Variants in FGGY observed in about 807,000 individuals in gnomAD.
The protein encoded by FGGY is FGGY carbohydrate kinase domain containing.
In FGGY, 72 loss-of-function variants were observed where a neutral mutation model predicts 71.3. That is an observed-to-expected ratio of 1.01 (90% confidence interval 0.84 to 1.23). The LOEUF is 1.23. FGGY is among the 50% of genes most tolerant of loss of function. The pLI is 0.00. For synonymous variants in FGGY, 251 were observed against 250.3 expected (o/e 1.00, Z -0.02); for missense variants, 668 against 682.3 (o/e 0.98, Z 0.23).
chr1:59,357,407 T>C (rs1474580313), intron 4 of FGGY, among the ~76,000 whole-genome samples: 1 of 152,188 alleles, frequency 6.6e-6, no homozygotes, highest in Non-Finnish European at 1.5e-5. Context: ...CTTTATATGA[T>C]CTATGACATG....
intron 14 of FGGY, among the ~76,000 whole-genome samples, chr1:59,705,212 T>A (rs1215542974): frequency 6.6e-6 from 1 of 152,234 alleles, no homozygotes; most frequent in Non-Finnish European, 1.5e-5. Context: ...TCCCTTCTTA[T>A]CTACCTTTGC....
chr1:59,735,104 G>A (rs148154210), intron 14 of FGGY, among the ~76,000 whole-genome samples: 5 of 152,202 alleles, frequency 3.3e-5, no homozygotes, highest in African/African-American at 1.2e-4. Flanking sequence ...GGTGGGGCAG[G>A]GGTAGAGAGA....
intron 6 of FGGY, among the ~76,000 whole-genome samples, chr1:59,489,221 T>C (rs2093750427): frequency 6.6e-6 from 1 of 152,140 alleles, no homozygotes; most frequent in South Asian, 2.1e-4. Context: ...GTCATTTCTT[T>C]GTGCTAGAAA....
chr1:59,335,445 TTGG>T (rs1450417777), intron 2 of FGGY, among the ~76,000 whole-genome samples: 8 of 152,198 alleles, frequency 5.3e-5, no homozygotes, highest in Non-Finnish European at 8.8e-5. Context: ...TATTTAACAG[TTGG>T]TTAAACTATG....
At chr1:59,468,869 C>CT (rs1240904824) in intron 6 of FGGY, among the ~76,000 whole-genome samples, 3 of 121,152 alleles carry the variant, frequency 2.5e-5, no homozygotes, top group African/African-American at 1.0e-4. Context: ...AAGACTCTGT[C>CT]TTTAAAAAAA....
At chr1:59,623,334 G>T (rs999924718) in intron 9 of FGGY, among the ~76,000 whole-genome samples, 4 of 151,932 alleles carry the variant, frequency 2.6e-5, no homozygotes, top group Non-Finnish European at 5.9e-5. Flanking sequence ...GTCTGCCTTC[G>T]CCCTCTTTAT....
chr1:59,386,930 C>T (rs966436756), intron 5 of FGGY, among the ~76,000 whole-genome samples: 2 of 152,118 alleles, frequency 1.3e-5, no homozygotes, highest in African/African-American at 4.8e-5. Flanking sequence ...CCTCTCCCCT[C>T]CATTATAATG....
intron 10 of FGGY, among the ~76,000 whole-genome samples, chr1:59,632,047 C>T (rs183421368): frequency 1.2e-4 from 19 of 152,266 alleles, no homozygotes; most frequent in Admixed American, 7.8e-4. Flanking sequence ...AGGTTGGCAG[C>T]AAAGCAAAAC....
chr1:59,407,044 G>A (rs147538751), intron 5 of FGGY, among the ~76,000 whole-genome samples: 102 of 152,310 alleles, frequency 6.7e-4, no homozygotes, highest in African/African-American at 2.4e-3. Flanking sequence ...GAGATGGCAA[G>A]GCAAGAGAAA....
chr1:59,620,648 A>G (rs1237195049), intron 9 of FGGY, among the ~76,000 whole-genome samples: 1 of 151,992 alleles, frequency 6.6e-6, no homozygotes, highest in Non-Finnish European at 1.5e-5. Flanking sequence ...TAAGTTATCT[A>G]TTGGCATCTT....
chr1:59,732,479 A>C (rs1178494232), intron 14 of FGGY, among the ~76,000 whole-genome samples: 2 of 152,210 alleles, frequency 1.3e-5, no homozygotes, highest in Non-Finnish European at 2.9e-5. Context: ...GCAGGCACAG[A>C]AAAGGATGAT....
At chr1:59,524,849 G>C (rs2094933815) in intron 7 of FGGY, among the ~76,000 whole-genome samples, 1 of 152,222 alleles carries the variant, frequency 6.6e-6, no homozygotes, top group Admixed American at 6.5e-5. Flanking sequence ...TGTAGGATAA[G>C]AACTCAGGAC....
At chr1:59,533,282 T>C (rs1037716385) in intron 7 of FGGY, among the ~76,000 whole-genome samples, 3 of 152,154 alleles carry the variant, frequency 2.0e-5, no homozygotes, top group African/African-American at 7.2e-5. Flanking sequence ...ACCCGAATAT[T>C]GCGCTTTTCC....
intron 6 of FGGY, among the ~76,000 whole-genome samples, chr1:59,468,425 A>G (rs771498152): frequency 2.0e-5 from 3 of 152,212 alleles, no homozygotes; most frequent in Admixed American, 6.5e-5. Flanking sequence ...AGACTTTTCT[A>G]TCTTAGGAAA....
chr1:59,549,385 A>T (rs887962967), intron 7 of FGGY, among the ~76,000 whole-genome samples: 16 of 152,222 alleles, frequency 1.1e-4, no homozygotes, highest in African/African-American at 3.9e-4. Context: ...AAGGTGCCTG[A>T]GGTTATTAAA....
chr1:59,303,799 T>C (rs2043093033), intron 1 of FGGY, among the ~76,000 whole-genome samples: 1 of 152,280 alleles, frequency 6.6e-6, no homozygotes, highest in Admixed American at 6.5e-5. Context: ...CTAATAGGTA[T>C]GAAGTGATTT....
At chr1:59,673,739 A>T (rs1382235660) in intron 13 of FGGY, 3 of 325,136 alleles carry the variant, frequency 9.2e-6, no homozygotes, top group Non-Finnish European at 1.8e-5. Flanking sequence ...TCTGAACTTG[A>T]ATCAAATGGC....
intron 9 of FGGY, among the ~76,000 whole-genome samples, chr1:59,610,553 G>A (rs1212427357): frequency 2.0e-5 from 3 of 152,226 alleles, no homozygotes; most frequent in African/African-American, 7.2e-5. Context: ...TGGCCGAATA[G>A]GAACAGCTCC....
chr1:59,391,086 T>TG (rs1463910736), intron 5 of FGGY, among the ~76,000 whole-genome samples: 4 of 152,176 alleles, frequency 2.6e-5, no homozygotes, highest in Admixed American at 2.6e-4. Context: ...AGCTTGTGGA[T>TG]GGGGTGAGGA....
Sources: gnomAD v4.1 joint callset for allele counts (sites outside exome capture counted in the v4.1 genomes callset) on GRCh38, gnomAD v4.1.1 for gene constraint, MANE v1.5 for transcripts, NCBI Gene and HGNC (gene_info 2026-07-23, HGNC 2026-07-21) for gene names.